Variants in NEK11 observed in about 807,000 individuals in gnomAD.
NEK11 encodes the protein serine/threonine-protein kinase Nek11.
A neutral mutation model predicts 80.7 loss-of-function variants in NEK11; 72 were observed. The observed-to-expected ratio is 0.89, with a 90% confidence interval of 0.74 to 1.08. NEK11 has a LOEUF of 1.08. Ranked by LOEUF, NEK11 falls within the 50% of genes least tolerant of loss-of-function variation. The pLI is 0.00. For synonymous variants in NEK11, 251 were observed against 260.7 expected (o/e 0.96, Z 0.36); for missense variants, 764 against 763.6 (o/e 1.00, Z -0.01).
chr3:131,059,705 G>A (rs1404007736), intron 3 of NEK11, among the ~76,000 whole-genome samples: 1 of 152,188 alleles, frequency 6.6e-6, no homozygotes, highest in Non-Finnish European at 1.5e-5. Flanking sequence ...GTTCTTTTAA[G>A]TGTTTCTGTA....
At chr3:131,148,668 T>A (rs916371592) in intron 7 of NEK11, among the ~76,000 whole-genome samples, 1 of 151,830 alleles carries the variant, frequency 6.6e-6, no homozygotes, top group Non-Finnish European at 1.5e-5. Context: ...CAGGGGATAC[T>A]TCTGTTGTCT....
At chr3:131,096,386 C>T (rs1037378358) in intron 4 of NEK11, among the ~76,000 whole-genome samples, 3 of 152,010 alleles carry the variant, frequency 2.0e-5, no homozygotes, top group Non-Finnish European at 4.4e-5. Flanking sequence ...TGGAGTATTC[C>T]GTGGTGTATA....
chr3:131,307,674 T>C (rs185417450), intron 17 of NEK11, among the ~76,000 whole-genome samples: 1 of 152,338 alleles, frequency 6.6e-6, no homozygotes, highest in Admixed American at 6.5e-5. Context: ...GAAAACATGA[T>C]ACAATTCCTA....
chr3:131,243,546 C>G (rs1206032136), intron 16 of NEK11, 50 bp downstream of exon 16: 1 of 1,416,562 alleles, frequency 7.1e-7, no homozygotes, highest in African/African-American at 1.4e-5. Context: ...TACTGATTAT[C>G]TTGGAATAAC....
chr3:131,337,616 A>G (rs995831681), intron 17 of NEK11, among the ~76,000 whole-genome samples: 1 of 151,268 alleles, frequency 6.6e-6, no homozygotes, highest in African/African-American at 2.4e-5. Flanking sequence ...AAAGTATAAT[A>G]ATAATAAAAT....
chr3:131,038,059 A>G (rs1455224159), intron 3 of NEK11, among the ~76,000 whole-genome samples: 3 of 148,206 alleles, frequency 2.0e-5, no homozygotes, highest in Non-Finnish European at 4.5e-5. Flanking sequence ...AGTTTCTTTC[A>G]GTTTCTCACA....
At chr3:131,037,108 C>T (rs575113291) in intron 3 of NEK11, among the ~76,000 whole-genome samples, 1 of 152,126 alleles carries the variant, frequency 6.6e-6, no homozygotes, top group South Asian at 2.1e-4. Context: ...GCGTCCTCAG[C>T]GATTTGATGT....
intron 7 of NEK11, among the ~76,000 whole-genome samples, chr3:131,137,648 CA>C (rs1489287397): frequency 6.6e-6 from 1 of 152,080 alleles, no homozygotes; most frequent in East Asian, 1.9e-4. Context: ...TATATTTGAA[CA>C]TTAATATATT....
chr3:131,170,666 G>T (rs1187641073), intron 13 of NEK11, 107 bp from the exon 14 acceptor site: 1 of 751,362 alleles, frequency 1.3e-6, no homozygotes, highest in Non-Finnish European at 2.3e-6. Flanking sequence ...AGAGGATTAG[G>T]TAGGCTTGTT....
At chr3:131,220,911 G>A (rs72989884) in intron 14 of NEK11, among the ~76,000 whole-genome samples, 7,592 of 152,118 alleles carry the variant, frequency 0.05, 534 homozygotes, top group African/African-American at 0.16. Context: ...TTAGTACGAT[G>A]AAGACATTTT....
chr3:131,155,152 A>G lies in NEK11; in HGVS notation c.962+31A>G. On this transcript the variant is annotated intron_variant, in intron 10 of 17. Coordinates refer to ENST00000383366, the MANE Select transcript of NEK11 (RefSeq NM_024800.5). ...TAATTGCTTTGTTTTTAAAAAGCCC[A>G]TCGAGTGTAAATGTTAAATGTATTT... 4 of 1,351,892 alleles carry G rather than the reference A, an allele frequency of 3.0e-6. No homozygotes were observed. The East Asian group carries it at 6.9e-5, about 23-fold the overall frequency. 83.7% of individuals were successfully genotyped at this position (1,351,892 alleles called of 1,614,324 possible).
intron 14 of NEK11, among the ~76,000 whole-genome samples, chr3:131,195,793 A>AATATAT (rs58272752): frequency 0.11 from 15,008 of 133,570 alleles, 940 homozygotes; most frequent in East Asian, 0.28. Context: ...TATATTTCAG[A>AATATAT]ATATATATAT....
intron 5 of NEK11, among the ~76,000 whole-genome samples, chr3:131,112,040 C>A (rs1034867751): frequency 3.3e-5 from 5 of 152,172 alleles, no homozygotes; most frequent in South Asian, 2.1e-4. Context: ...CTTTCTAAGC[C>A]AAACATACAA....
chr3:131,281,187 T>C (rs1561355064), intron 17 of NEK11, among the ~76,000 whole-genome samples: 1 of 152,232 alleles, frequency 6.6e-6, no homozygotes, highest in Non-Finnish European at 1.5e-5. Context: ...ATGTAACATG[T>C]TTCCATGGGT....
At chr3:131,181,763 AAAAG>A (rs2093368492) in intron 14 of NEK11, among the ~76,000 whole-genome samples, 1 of 150,680 alleles carries the variant, frequency 6.6e-6, no homozygotes, top group Non-Finnish European at 1.5e-5. Context: ...AAAAAAAAAA[AAAAG>A]AAAAGATAAC....
chr3:131,143,490 ATAT>A (rs1485066712), intron 7 of NEK11, among the ~76,000 whole-genome samples: 3 of 151,920 alleles, frequency 2.0e-5, no homozygotes, highest in Non-Finnish European at 2.9e-5. Context: ...ATTATAATAA[ATAT>A]TATTCATGAG....
At chr3:131,058,784 C>T (rs2070200320) in intron 3 of NEK11, among the ~76,000 whole-genome samples, 1 of 152,128 alleles carries the variant, frequency 6.6e-6, no homozygotes, top group Non-Finnish European at 1.5e-5. Flanking sequence ...TACCTATTAG[C>T]TCTCCCATCC....
chr3:131,224,854 T>G (rs1467968063), intron 14 of NEK11, among the ~76,000 whole-genome samples: 1 of 152,202 alleles, frequency 6.6e-6, no homozygotes, highest in Non-Finnish European at 1.5e-5. Flanking sequence ...TTAGGAGAGA[T>G]ATGAAAAAAA....
intron 3 of NEK11, among the ~76,000 whole-genome samples, chr3:131,071,339 T>C (rs2148922586): frequency 6.6e-6 from 1 of 152,232 alleles, no homozygotes; most frequent in Admixed American, 6.5e-5. Flanking sequence ...CTTTTTCTTT[T>C]CTTTTTTGGC....
Sources: gnomAD v4.1 joint callset for allele counts (sites outside exome capture counted in the v4.1 genomes callset) on GRCh38, gnomAD v4.1.1 for gene constraint, MANE v1.5 for transcripts, NCBI Gene and HGNC (gene_info 2026-07-23, HGNC 2026-07-21) for gene names.